The following SLC27A2 variants were observed in gnomAD, a reference collection of about 807,000 sequenced individuals.
SLC27A2 encodes long-chain fatty acid transport protein 2.
SLC27A2 carries 54 observed loss-of-function variants against 60.0 expected under a neutral mutation model. The ratio of observed to expected loss-of-function variants is 0.90; its 90% CI spans 0.72 to 1.13. SLC27A2 has a LOEUF of 1.13. Among genes scored for constraint, SLC27A2 ranks in the 50% most tolerant of loss-of-function variants. The pLI, the probability that SLC27A2 is intolerant of heterozygous loss-of-function variation, is 0.00. For missense variants in SLC27A2, 739 were observed against 777.6 expected, an observed-to-expected ratio of 0.95 and a Z score of 0.59; for synonymous variants, 297 against 297.6, an observed-to-expected ratio of 1.00 and a Z score of 0.02.
chr15:50,221,752 C>G (rs1164931708), intron 4 of SLC27A2: 1 of 152,172 alleles, frequency 6.6e-6, no homozygotes, highest in African/African-American at 2.4e-5. Context: ...ATTCTGTATC[C>G]TGATAGAATA....
intron 3 of SLC27A2, 102 bp downstream of exon 3, chr15:50,202,747 G>C (rs1479354013): frequency 8.3e-7 from 1 of 1,206,782 alleles, no homozygotes; most frequent in Non-Finnish European, 1.2e-6. Flanking sequence ...GCTAGGAACA[G>C]TTTTCAATTT....
chr15:50,232,330 T>A (rs2045321559), intron 8 of SLC27A2, among the ~76,000 whole-genome samples: 1 of 152,250 alleles, frequency 6.6e-6, no homozygotes, highest in Admixed American at 6.5e-5. Flanking sequence ...TCCAGTATGA[T>A]AGCCAATAGC....
intron 1 of SLC27A2, among the ~76,000 whole-genome samples, chr15:50,187,889 T>C (rs992366803): frequency 6.6e-6 from 1 of 151,784 alleles, no homozygotes. Flanking sequence ...ATCCAAACTT[T>C]TGAGATTAGA....
In SLC27A2 at chr15:50,185,357, G is replaced by GA. The variant is rs555816439; in HGVS notation, c.478+2460dup. Among the ~76,000 whole-genome samples, 893 of 151,584 alleles carry GA rather than the reference G, an allele frequency of 5.9e-3. 2 individuals carry two copies. The highest frequency in any genetic ancestry group is 8.3e-3 in the Non-Finnish European group (566 of 67,858). ...GACCTCTGAGGGAGGCCACATATTT[G>GA]AAAAAAAATCAGTTTTTCCAAATCA... On this transcript the variant is annotated intron_variant, in intron 1 of 9. Transcript: ENST00000267842.
In SLC27A2 at chr15:50,231,947, A is replaced by G. The variant is rs1448575327; in HGVS notation, c.1556-1921A>G. 3.3e-5 allele frequency among the ~76,000 whole-genome samples: 5 copies of G among 152,236 alleles called. No individual in the cohort carries two copies. In the East Asian group the frequency reaches 5.8e-4, roughly 18 times the overall value. ...ATGCCCCCACCAACTAGGGCATGTA[A>G]AGAGAGGCTGGATGTCCACCTGGGA... On this transcript the variant is annotated intron_variant, in intron 8 of 9. Coordinates refer to ENST00000267842, the MANE Select transcript of SLC27A2 (RefSeq NM_003645.4).
At position 50,223,955 on chromosome 15, in the gene SLC27A2, C is replaced by CAGT. The variant is rs2140911806; in HGVS notation, c.1167+800_1167+802dup. 1.3e-5 allele frequency among the ~76,000 whole-genome samples: 2 copies of CAGT among 152,318 alleles called. 1 individual carries two copies. Among genetic ancestry groups the CAGT allele is most frequent in the South Asian group, 4.1e-4 (2 of 4,826 alleles). ...GGACAGGCCAGCAGAATACAGAGGA[C>CAGT]AGTAGTTCATGTGCGTAAGAGCCCT... is the stretch of plus-strand genomic sequence containing the variant. On this transcript the variant is annotated intron_variant, in intron 5 of 9. Transcript: ENST00000267842.
Position 50,182,284 on chromosome 15 carries a change from C to T in SLC27A2, c.-144C>T. ...ACCTGCAGCGGAGGAGCTCTGTCTT[C>T]CCCTTCATCTCACGCGAGCCCGGCG... On this transcript the variant is annotated 5_prime_UTR_variant, in exon 1 of 10. Transcript: ENST00000267842. The T allele has an allele frequency of 8.0e-7, 1 of 1,256,868 alleles. No individual in the cohort carries two copies. Among genetic ancestry groups the T allele is most frequent in the Non-Finnish European group, 1.0e-6 (1 of 986,556 alleles). The allele number at this position is 1,256,868 out of a possible 1,614,324, so 77.9% of individuals were successfully genotyped here.
chr15:50,231,975 C>G (rs1444152974), intron 8 of SLC27A2, among the ~76,000 whole-genome samples: 1 of 152,218 alleles, frequency 6.6e-6, no homozygotes, highest in East Asian at 1.9e-4. Context: ...ACCTGGGATC[C>G]TGGGAGAACT....
intron 6 of SLC27A2, among the ~76,000 whole-genome samples, chr15:50,226,658 G>C (rs1293443914): frequency 6.6e-6 from 1 of 152,144 alleles, no homozygotes; most frequent in Non-Finnish European, 1.5e-5. Context: ...CTTGACCATG[G>C]GAGGCAGAGG....
chr15:50,206,132 T>A (rs1372043563), intron 4 of SLC27A2, among the ~76,000 whole-genome samples: 1 of 152,134 alleles, frequency 6.6e-6, no homozygotes, highest in East Asian at 1.9e-4. Flanking sequence ...TTTGGGCTTT[T>A]AATTCTTTGC....
intron 8 of SLC27A2, among the ~76,000 whole-genome samples, chr15:50,233,145 A>G (rs540977130): frequency 1.2e-4 from 18 of 152,254 alleles, no homozygotes; most frequent in Admixed American, 7.8e-4. Flanking sequence ...AATGGGCCTT[A>G]ATGGGAGGGC....
intron 4 of SLC27A2, among the ~76,000 whole-genome samples, chr15:50,208,700 C>T (rs1271657881): frequency 6.6e-6 from 1 of 152,198 alleles, no homozygotes; most frequent in East Asian, 1.9e-4. Context: ...TAATCACTCT[C>T]ATCTGAGGTT....
At chr15:50,197,781 CTCTT>C in intron 2 of SLC27A2, 72 bp downstream of exon 2, 1 of 1,174,100 alleles carries the variant, frequency 8.5e-7, no homozygotes, top group African/African-American at 1.5e-5. Context: ...GTTTTCAAAT[CTCTT>C]TCTTTGGCAA....
chr15:50,205,170 A>T (rs1291884146), intron 3 of SLC27A2, 69 bp from the exon 4 acceptor site: 5 of 1,534,806 alleles, frequency 3.3e-6, no homozygotes, highest in Non-Finnish European at 4.4e-6. Flanking sequence ...CAAAGTTGAC[A>T]AATTAAACAT....
intron 3 of SLC27A2, 77 bp from the exon 4 acceptor site, chr15:50,205,162 A>C (rs2045101501): frequency 6.6e-7 from 1 of 1,511,168 alleles, no homozygotes; most frequent in Non-Finnish European, 9.0e-7. Context: ...CTACCGTTCA[A>C]AGTTGACAAA....
intron 1 of SLC27A2, among the ~76,000 whole-genome samples, chr15:50,190,179 A>G (rs538113794): frequency 6.6e-6 from 1 of 152,336 alleles, no homozygotes; most frequent in African/African-American, 2.4e-5. Flanking sequence ...AATGATTGAG[A>G]TGCAAAATTA....
At chr15:50,194,135 G>T (rs2044995575) in intron 1 of SLC27A2, among the ~76,000 whole-genome samples, 1 of 152,094 alleles carries the variant, frequency 6.6e-6, no homozygotes, top group Non-Finnish European at 1.5e-5. Context: ...GACAGAGCAG[G>T]ACCCTGTCTC....
chr15:50,216,781 ATATT>A (rs1235049953), intron 4 of SLC27A2, among the ~76,000 whole-genome samples: 1 of 145,794 alleles, frequency 6.9e-6, no homozygotes, highest in African/African-American at 2.5e-5. Context: ...AAAAATATAT[ATATT>A]CCATAAATAT....
At chr15:50,217,854 G>C (rs1157082944) in intron 4 of SLC27A2, among the ~76,000 whole-genome samples, 5 of 152,122 alleles carry the variant, frequency 3.3e-5, no homozygotes, top group Non-Finnish European at 5.9e-5. Flanking sequence ...AGGAGTTCAA[G>C]ACCAGCCTGG....
Sources: gnomAD v4.1 joint callset for allele counts (sites outside exome capture counted in the v4.1 genomes callset) on GRCh38, gnomAD v4.1.1 for gene constraint, MANE v1.5 for transcripts, NCBI Gene and HGNC (gene_info 2026-07-23, HGNC 2026-07-21) for gene names.